The following DMBT1 variants were observed in gnomAD, a reference collection of about 807,000 sequenced individuals.
DMBT1 encodes deleted in malignant brain tumors 1.
A neutral mutation model predicts 252.9 loss-of-function variants in DMBT1; 198 were observed. The observed-to-expected ratio is 0.78, with a 90% CI of 0.70 to 0.88. The LOEUF (loss-of-function observed/expected upper bound fraction) is 0.88, where lower values mean the gene tolerates loss of function less well. Among genes scored for constraint, DMBT1 ranks in the 40% least tolerant of loss-of-function variants. DMBT1 has a pLI of 0.00. For synonymous variants in DMBT1, 990 were observed against 942.7 expected (o/e 1.05, Z -0.92); for missense variants, 2,432 against 2,404.7 (o/e 1.01, Z -0.24).
chr10:122,571,147 C>T (rs1225209226), intron 4 of DMBT1, among the ~76,000 whole-genome samples: 1 of 152,242 alleles, frequency 6.6e-6, no homozygotes, highest in Non-Finnish European at 1.5e-5. Flanking sequence ...TGTGTGTGCT[C>T]TGCATTTTAC....
chr10:122,579,335 C>T (rs1386857219), intron 9 of DMBT1, among the ~76,000 whole-genome samples: 1 of 152,096 alleles, frequency 6.6e-6, no homozygotes, highest in African/African-American at 2.4e-5. Context: ...AGTGGGGCAT[C>T]CATTCCCATC....
intron 16 of DMBT1, among the ~76,000 whole-genome samples, chr10:122,586,806 T>C (rs1263417705): frequency 6.7e-6 from 1 of 148,166 alleles, no homozygotes; most frequent in Admixed American, 6.7e-5. Flanking sequence ...AGGCTGCTTG[T>C]ACTCCTGGCA....
intron 24 of DMBT1, 133 bp from the exon 25 acceptor site, chr10:122,597,841 A>T: frequency 7.4e-7 from 1 of 1,345,404 alleles, no homozygotes; most frequent in South Asian, 1.2e-5. Context: ...ACTTGGGCAG[A>T]CACATGGGGA....
chr10:122,590,855 G>C lies in DMBT1; in HGVS notation c.2137+161G>C, dbSNP rs546838540. Among the ~76,000 whole-genome samples, 10 of 148,320 alleles carry C rather than the reference G, an allele frequency of 6.7e-5. 1 individual carries two copies. In the South Asian group the frequency reaches 2.1e-3, roughly 31 times the overall value. On this transcript the variant is annotated intron_variant, in intron 18 of 55. Coordinates refer to ENST00000338354, the MANE Select transcript of DMBT1 (RefSeq NM_001377530.1). ...ACCCTAGCATGGAGCTTCTTAACCA[G>C]ACATGGTTAAGAAGGTATGATCTTT...
rs771875433 is a variant in DMBT1 at position 122,640,363 on chromosome 10, T to C, written c.7266T>C (p.Ala2422=). 8.7e-6 allele frequency: 14 copies of C among 1,613,966 alleles called. No individual in the cohort carries two copies. The highest frequency in any genetic ancestry group is 1.0e-5 in the Non-Finnish European group (12 of 1,179,914). ...AGGCTGAAATCCTCCATTCTGATGC[T>C]GTACTGACCTTGTTTGTGGACACCT... The part of the protein sequence containing the change: ...YVQAEILHSD[A]VLTLFVDTCV... The change falls in exon 55 of 56, where the codon GCT becomes GCC. Residue 2422 remains alanine, a synonymous_variant. Coordinates refer to ENST00000338354, the MANE Select transcript of DMBT1 (RefSeq NM_001377530.1).
chr10:122,567,778 A>G (rs1353073587), intron 2 of DMBT1, among the ~76,000 whole-genome samples: 1 of 152,098 alleles, frequency 6.6e-6, no homozygotes, highest in Non-Finnish European at 1.5e-5. Context: ...AAGCAGGCTC[A>G]ATTAGCCCCT....
chr10:122,599,922 T>C, intron 26 of DMBT1, 142 bp from the exon 27 acceptor site: 1 of 1,229,790 alleles, frequency 8.1e-7, no homozygotes, highest in Non-Finnish European at 1.2e-6. Context: ...TCTGTGGGGA[T>C]GTGCATGGCA....
intron 6 of DMBT1, 67 bp from the exon 7 acceptor site, chr10:122,576,332 C>T (rs774289724): frequency 6.3e-7 from 1 of 1,576,934 alleles, no homozygotes; most frequent in South Asian, 1.2e-5. Context: ...ACCCTGAATG[C>T]CCTGCAGGCC....
At chr10:122,623,719 C>T (rs2098092020) in intron 44 of DMBT1, among the ~76,000 whole-genome samples, 1 of 152,196 alleles carries the variant, frequency 6.6e-6, no homozygotes, top group Admixed American at 6.5e-5. Context: ...ACAGGGGCTT[C>T]ATTTTATAGA....
In DMBT1 at chr10:122,631,755, G is replaced by C. The variant is rs571993828; in HGVS notation, c.6347-100G>C. 3.9e-4 allele frequency: 528 copies of C among 1,353,998 alleles called. 5 individuals carry two copies. In the South Asian group the frequency reaches 4.7e-3, roughly 12 times the overall value. The allele number at this position is 1,353,998 out of a possible 1,614,324, so 83.9% of individuals were successfully genotyped here. A position where few individuals can be genotyped will look rare whatever the true frequency, so the allele number is the denominator to read the frequency against. ...GGACCTGGGGACCCTCGCCGAGGGG[G>C]GTCAGGTTATGGGCCATGTAAGTGT... is the stretch of plus-strand genomic sequence containing the variant. On this transcript the variant is annotated intron_variant, in intron 49 of 55. Coordinates refer to ENST00000338354, the MANE Select transcript of DMBT1 (RefSeq NM_001377530.1).
intron 4 of DMBT1, among the ~76,000 whole-genome samples, chr10:122,571,909 A>C (rs1167973695): frequency 6.6e-6 from 1 of 152,084 alleles, no homozygotes; most frequent in Non-Finnish European, 1.5e-5. Flanking sequence ...TTCTTTGGAA[A>C]CCATCTTTCT....
rs777937660 is a variant in DMBT1, at chr10:122,585,299, A to G, written c.1449A>G (p.Ala483=). The stretch of plus-strand genomic sequence containing the variant: ...CGTTGCCGACCATCACCTTACCTGC[A>G]TCGACAGTAGGTAAATAATCCTCTC... The part of the protein sequence containing the change: ...PDTLPTITLP[A]STVGSESSLA... Residue 483 remains alanine, a synonymous_variant, in exon 15 of 56, where the codon GCA becomes GCG. Transcript: ENST00000338354. 5 of 1,586,778 alleles carry G rather than the reference A, an allele frequency of 3.2e-6. 1 individual carries two copies. The South Asian group carries it at 3.5e-5, about 11-fold the overall frequency.
At chr10:122,629,326 T>C (rs1163681242) in intron 46 of DMBT1, among the ~76,000 whole-genome samples, 1 of 152,228 alleles carries the variant, frequency 6.6e-6, no homozygotes, top group African/African-American at 2.4e-5. Flanking sequence ...ATGGAGCTGA[T>C]AGAGGCAGAG....
At position 122,589,414 on chromosome 10, in the gene DMBT1, G is replaced by A; in HGVS notation, c.2107+147G>A. On this transcript the variant is annotated intron_variant, in intron 17 of 55. Transcript: ENST00000338354. Reference sequence around the variant, plus strand: ...TTAGCTCTCTTCTAGGAAACTGCATGAGTCTTCACCACAGTGCCAGGTTTT... The same window carrying A: ...TTAGCTCTCTTCTAGGAAACTGCATAAGTCTTCACCACAGTGCCAGGTTTT... 7 of 1,361,008 alleles carry A rather than the reference G, an allele frequency of 5.1e-6. 1 individual carries two copies. Among genetic ancestry groups the A allele is most frequent in the Non-Finnish European group, 5.9e-6 (6 of 1,014,566 alleles). 84.3% of individuals were successfully genotyped at this position (1,361,008 alleles called of 1,614,324 possible).
chr10:122,643,100 A>AG (rs752740807), intron 55 of DMBT1, 22 bp from the exon 56 acceptor site: 1 of 1,609,658 alleles, frequency 6.2e-7, no homozygotes, highest in Non-Finnish European at 8.5e-7. Flanking sequence ...GTGAGAGCTA[A>AG]GGGGCTACTG....
chr10:122,585,218 G>A lies in DMBT1; in HGVS notation c.1421-53G>A, dbSNP rs1477372218. ...CCTTCTCCGGAGACTTTTCCTTTTG[G>A]AGATTTTCACCATCAACTTTAATTC... On this transcript the variant is annotated intron_variant, in intron 14 of 55. Coordinates refer to ENST00000338354, the MANE Select transcript of DMBT1 (RefSeq NM_001377530.1). The A allele has an allele frequency of 1.4e-5, 22 of 1,571,502 alleles. No homozygotes were observed. The highest frequency in any genetic ancestry group is 2.7e-5 in the African/African-American group (2 of 74,360).
At position 122,599,122 on chromosome 10, in the gene DMBT1, A is replaced by G. The variant is rs766769409; in HGVS notation, c.3280+25A>G. ...GGTGGGCCTTCAAGAACTTGGGATC[A>G]CTCTCTTGGGGTGGAGTTTGCTCCA... is the stretch of plus-strand genomic sequence containing the variant. On this transcript the variant is annotated intron_variant, in intron 26 of 55. Transcript: ENST00000338354. 6 of 1,613,436 alleles carry G rather than the reference A, an allele frequency of 3.7e-6. No homozygotes were observed. In the African/African-American group the frequency reaches 8.0e-5, roughly 22 times the overall value.
intron 54 of DMBT1, among the ~76,000 whole-genome samples, 166 bp downstream of exon 54, chr10:122,637,478 C>T (rs569776923): frequency 1.8e-4 from 27 of 152,332 alleles, no homozygotes; most frequent in African/African-American, 6.5e-4. Flanking sequence ...GATATGGCTG[C>T]AGCTACTTCC....
Position 122,592,359 on chromosome 10 carries a change from GCA to G in DMBT1, c.2266_2267del (p.Thr756ArgfsTer3). 1 of 1,588,390 alleles carries G rather than the reference GCA, an allele frequency of 6.3e-7. No individual in the cohort carries two copies. On this transcript the variant is annotated frameshift_variant, in exon 20 of 56. Transcript: ENST00000338354. LOFTEE classifies it high-confidence loss of function. ...GAGGTCCTATACCGAGGCTCCTGGG[GCA>G]CCGTGTGTGATGACAGCTGGGATAC...
Sources: allele counts gnomAD v4.1 joint callset (sites outside exome capture counted in the v4.1 genomes callset), GRCh38; gene constraint gnomAD v4.1.1; transcripts MANE v1.5; gene names NCBI Gene and HGNC (gene_info 2026-07-23, HGNC 2026-07-21).